The following PTPRR variants were observed in gnomAD, a reference collection of about 807,000 sequenced individuals.
PTPRR encodes receptor-type tyrosine-protein phosphatase R.
A neutral mutation model predicts 77.2 loss-of-function variants in PTPRR; 38 were observed. The observed-to-expected ratio is 0.49, with a 90% CI of 0.38 to 0.65. The LOEUF is 0.65. PTPRR is among the 30% of genes least tolerant of loss of function. The probability of loss-of-function intolerance (pLI) is 0.00; values close to 1 mark genes in which losing one functional copy is unlikely to be tolerated. For synonymous variants in PTPRR, 299 were observed against 283.1 expected, an observed-to-expected ratio of 1.06 and a Z score of -0.57; for missense variants, 744 against 799.2, an observed-to-expected ratio of 0.93 and a Z score of 0.83.
chr12:70,683,370 A>G (rs1415897670), intron 10 of PTPRR, among the ~76,000 whole-genome samples: 1 of 152,216 alleles, frequency 6.6e-6, no homozygotes, highest in East Asian at 1.9e-4. Flanking sequence ...AATGCAAAAT[A>G]CAGAATAAGT....
intron 2 of PTPRR, among the ~76,000 whole-genome samples, chr12:70,864,368 GAATCTTCTGTGGTCCCCT>G (rs1486864678): frequency 6.6e-6 from 1 of 152,150 alleles, no homozygotes; most frequent in Non-Finnish European, 1.5e-5. Flanking sequence ...CTTGGCTTAG[GAATCTTCTGTGGTCCCCT>G]AATCTGTGGT....
At chr12:70,901,633 T>C (rs184360573) in intron 1 of PTPRR, among the ~76,000 whole-genome samples, 35 of 151,932 alleles carry the variant, frequency 2.3e-4, no homozygotes, top group Non-Finnish European at 3.7e-4. Flanking sequence ...GACTTAGATC[T>C]GAGACCTAAA....
At chr12:70,646,297 T>C (rs1886196586) in intron 13 of PTPRR, among the ~76,000 whole-genome samples, 1 of 152,144 alleles carries the variant, frequency 6.6e-6, no homozygotes, top group South Asian at 2.1e-4. Context: ...ACAGATGTCA[T>C]ATCAAGGAGG....
At chr12:70,829,364 T>A (rs1892172000) in intron 2 of PTPRR, among the ~76,000 whole-genome samples, 1 of 152,214 alleles carries the variant, frequency 6.6e-6, no homozygotes, top group South Asian at 2.1e-4. Context: ...ACATTCTTAC[T>A]GACCCTGACC....
intron 5 of PTPRR, among the ~76,000 whole-genome samples, chr12:70,746,740 A>G (rs1185766571): frequency 6.6e-6 from 1 of 152,010 alleles, no homozygotes; most frequent in East Asian, 1.9e-4. Flanking sequence ...TGCCCAAGCG[A>G]AAGTGCAGTG....
intron 1 of PTPRR, among the ~76,000 whole-genome samples, chr12:70,904,739 C>G (rs1893595037): frequency 6.6e-6 from 1 of 151,684 alleles, no homozygotes; most frequent in Non-Finnish European, 1.5e-5. Flanking sequence ...TTTCTCATAA[C>G]TAAATTTAAG....
At chr12:70,868,951 G>A (rs1423335433) in intron 2 of PTPRR, among the ~76,000 whole-genome samples, 15 of 145,838 alleles carry the variant, frequency 1.0e-4, no homozygotes, top group African/African-American at 1.8e-4. Context: ...ACCAAACACC[G>A]CATGTTCTCA....
At chr12:70,818,569 T>G (rs1445446197) in intron 2 of PTPRR, among the ~76,000 whole-genome samples, 1 of 152,186 alleles carries the variant, frequency 6.6e-6, no homozygotes, top group Non-Finnish European at 1.5e-5. Context: ...TTATGTAGAA[T>G]GAGGCTAATA....
At chr12:70,832,217 T>C (rs1892225473) in intron 2 of PTPRR, among the ~76,000 whole-genome samples, 1 of 152,188 alleles carries the variant, frequency 6.6e-6, no homozygotes, top group African/African-American at 2.4e-5. Flanking sequence ...GATTGTAAAT[T>C]TAAATACCTT....
In PTPRR at chr12:70,754,193, T is replaced by C. The variant is rs775842271; in HGVS notation, c.736A>G (p.Met246Val). The C allele has an allele frequency of 1.2e-6, 2 of 1,612,480 alleles. No homozygotes were observed. The highest frequency in any genetic ancestry group is 1.7e-5 in the Admixed American group (1 of 59,612). Residue 246 changes from methionine to valine, a missense_variant and splice_region_variant, in exon 5 of 14, where the codon ATG becomes GTG. Physicochemically the swap from Met to Val is conservative, Grantham distance 21. Transcript: ENST00000283228. ...SIFVIIVTCL[M>V]ILYRLKERFQ... ...AATATACAAAGAAGCAAACTTACCATCAAACACGTTACTATAATAACAAAG... is the reference window on the plus strand; with the variant it reads ...AATATACAAAGAAGCAAACTTACCACCAAACACGTTACTATAATAACAAAG...
chr12:70,817,980 G>A (rs1048889971), intron 2 of PTPRR, among the ~76,000 whole-genome samples: 15 of 152,132 alleles, frequency 9.9e-5, no homozygotes, highest in Non-Finnish European at 1.5e-4. Context: ...TTGGGAGGCC[G>A]AGGAGGTCGG....
chr12:70,769,972 C>G (rs943042478), intron 2 of PTPRR, among the ~76,000 whole-genome samples: 4 of 152,132 alleles, frequency 2.6e-5, no homozygotes, highest in African/African-American at 9.7e-5. Flanking sequence ...AAAGCTGAAA[C>G]TGGATCCCTT....
At chr12:70,672,924 G>C (rs1340521238) in intron 10 of PTPRR, 1 of 1,502,614 alleles carries the variant, frequency 6.7e-7, no homozygotes, top group Non-Finnish European at 9.0e-7. Flanking sequence ...CTTAGCCCAG[G>C]GAAATGTCGA....
intron 2 of PTPRR, among the ~76,000 whole-genome samples, chr12:70,806,650 A>G (rs1891714582): frequency 6.6e-6 from 1 of 152,162 alleles, no homozygotes; most frequent in Admixed American, 6.5e-5. Context: ...ATATCATACT[A>G]CCATTTGCCT....
chr12:70,780,116 C>T (rs965228583), intron 2 of PTPRR, among the ~76,000 whole-genome samples: 4 of 152,128 alleles, frequency 2.6e-5, no homozygotes, highest in African/African-American at 4.8e-5. Context: ...CTCAGCCTCC[C>T]GAGTAGATGG....
At chr12:70,728,925 C>A (rs1292951726) in intron 6 of PTPRR, among the ~76,000 whole-genome samples, 1 of 151,948 alleles carries the variant, frequency 6.6e-6, no homozygotes, top group African/African-American at 2.4e-5. Context: ...AAAAATGAAA[C>A]TGATTTTAGA....
chr12:70,874,091 A>G (rs17108952), intron 2 of PTPRR, among the ~76,000 whole-genome samples: 6,448 of 152,264 alleles, frequency 0.042, 459 homozygotes, highest in African/African-American at 0.15. Context: ...TTTATTAACT[A>G]AGATACTTTT....
At chr12:70,729,358 ATCTAT>A (rs1565669947) in intron 6 of PTPRR, among the ~76,000 whole-genome samples, 1 of 134,586 alleles carries the variant, frequency 7.4e-6, no homozygotes, top group African/African-American at 2.8e-5. Flanking sequence ...CTATCTATCT[ATCTAT>A]CTGAGTATCA....
chr12:70,812,730 T>C (rs1461048244), intron 2 of PTPRR, among the ~76,000 whole-genome samples: 1 of 152,102 alleles, frequency 6.6e-6, no homozygotes, highest in Non-Finnish European at 1.5e-5. Flanking sequence ...ATCTTAGAGG[T>C]AAGAAAAGCA....
Sources: gnomAD v4.1 joint callset for allele counts (sites outside exome capture counted in the v4.1 genomes callset) on GRCh38, gnomAD v4.1.1 for gene constraint, MANE v1.5 for transcripts, NCBI Gene and HGNC (gene_info 2026-07-23, HGNC 2026-07-21) for gene names.